Variants in KRT20 observed in about 807,000 individuals in gnomAD.
KRT20 encodes keratin 20.
Under a neutral mutation model 43.0 loss-of-function variants are expected in KRT20, and 41 were observed. That is an observed-to-expected ratio of 0.95 (90% CI 0.74 to 1.24). KRT20 has a LOEUF of 1.24. KRT20 is among the 50% of genes most tolerant of loss of function. The pLI, the probability that KRT20 is intolerant of heterozygous loss-of-function variation, is 0.00. For missense variants in KRT20, 533 were observed against 521.2 expected (o/e 1.02, Z -0.22); for synonymous variants, 207 against 200.6 (o/e 1.03, Z -0.27).
In KRT20 at chr17:40,878,351, C is replaced by A. The variant is rs1363742929; in HGVS notation, c.933G>T (p.Glu311Asp). The A allele has an allele frequency of 6.2e-7, 1 of 1,613,618 alleles. No homozygotes were observed. Among genetic ancestry groups the A allele is most frequent in the Admixed American group, 1.7e-5 (1 of 59,994 alleles). ...GGGCCTTGGTCTCCTCTAGAGTGTG[C>A]TCCAAAGACTCTTTCTATGAGCACA... ...QSHLSMKESLEHTLEETKARY... is the reference protein window; with the variant it reads ...QSHLSMKESLDHTLEETKARY... The change falls in exon 6 of 8, where the codon GAG (glutamate) becomes GAT (aspartate). Residue 311 changes from glutamate (E) to aspartate (D), a missense_variant. By Grantham distance (45) the Glu-to-Asp change is conservative. Coordinates refer to ENST00000167588, the MANE Select transcript of KRT20 (RefSeq NM_019010.3).
Position 40,882,615 on chromosome 17 carries a change from G to T in KRT20, c.430C>A (p.Gln144Lys), listed in dbSNP as rs1357059482. The T allele has an allele frequency of 1.0e-5, 16 of 1,566,170 alleles. No individual in the cohort carries two copies. Among genetic ancestry groups the T allele is most frequent in the Non-Finnish European group, 1.4e-5 (16 of 1,153,936 alleles). Reference sequence around the variant, plus strand: ...GCAGCCAGTTTAGCATTATCAATTTGCAGGACACACCGAGCATTTTGCAGT... The same window carrying T: ...GCAGCCAGTTTAGCATTATCAATTTTCAGGACACACCGAGCATTTTGCAGT... ...AQLQNARCVL[Q>K]IDNAKLAAED... The change falls in exon 2 of 8, where the codon CAA (glutamine) becomes AAA (lysine). Residue 144 changes from glutamine (Q) to lysine (K), a missense_variant. Transcript: ENST00000167588.
intron 7 of KRT20, among the ~76,000 whole-genome samples, chr17:40,876,953 C>G (rs1262841325): frequency 6.6e-6 from 1 of 152,108 alleles, no homozygotes; most frequent in African/African-American, 2.4e-5. Context: ...CCCAATGTAA[C>G]AGTGTTGGGA....
At chr17:40,876,951 A>C (rs532377598) in intron 7 of KRT20, among the ~76,000 whole-genome samples, 2 of 152,284 alleles carry the variant, frequency 1.3e-5, no homozygotes, top group African/African-American at 4.8e-5. Flanking sequence ...TCCCCAATGT[A>C]ACAGTGTTGG....
In KRT20 at chr17:40,879,954, T is replaced by G; in HGVS notation, c.793-16A>C. On this transcript the variant is annotated splice_polypyrimidine_tract_variant and intron_variant, in intron 4 of 7. Coordinates refer to ENST00000167588, the MANE Select transcript of KRT20 (RefSeq NM_019010.3). ...GAACTGCAGTCTACAGTGCCAAGAG[T>G]GAAAAAAAAATAGTTGAGGGGTGGA... is the stretch of plus-strand genomic sequence containing the variant. The G allele has an allele frequency of 6.3e-7, 1 of 1,591,654 alleles. No individual in the cohort carries two copies. The highest frequency in any genetic ancestry group is 8.5e-7 in the Non-Finnish European group (1 of 1,171,524).
intron 7 of KRT20, 77 bp from the exon 8 acceptor site, chr17:40,876,535 T>G: frequency 3.6e-6 from 3 of 835,120 alleles, no homozygotes; most frequent in Non-Finnish European, 3.8e-6. Context: ...TTTAAATTAT[T>G]ATTCTTTTTA....
rs771372665 is a variant in KRT20 at position 40,880,595 on chromosome 17, C to G, written c.630+19G>C. 3.1e-6 allele frequency: 5 copies of G among 1,607,238 alleles called. No individual in the cohort carries two copies. Among genetic ancestry groups the G allele is most frequent in the Non-Finnish European group, 4.3e-6 (5 of 1,175,636 alleles). On this transcript the variant is annotated intron_variant, in intron 3 of 7. Transcript: ENST00000167588. The stretch of plus-strand genomic sequence containing the variant: ...AACCATTCCATTGTTTCCAATACCA[C>G]TTCTGAATATTTTCTCACCTCCTGA...
chr17:40,879,869 C>A lies in KRT20; in HGVS notation c.862G>T (p.Glu288Ter), dbSNP rs768487533. ...AGGCTCTGGGAGGTGCGTCTCAGCTCCGTTAGTTGAACCTCAGTTCCTTTT... is the reference window on the plus strand; with the variant it reads ...AGGCTCTGGGAGGTGCGTCTCAGCTACGTTAGTTGAACCTCAGTTCCTTTT... ...ELKGTEVQLT[E>*]LRRTSQSLEI... Residue 288 changes from glutamate to a stop codon, truncating the protein, a stop_gained, in exon 5 of 8, where the codon GAG becomes TAG. Transcript: ENST00000167588. LOFTEE classifies it high-confidence loss of function. 1 of 1,613,354 alleles carries A rather than the reference C, an allele frequency of 6.2e-7. No homozygotes were observed. Among genetic ancestry groups the A allele is most frequent in the Non-Finnish European group, 8.5e-7 (1 of 1,179,922 alleles).
In KRT20 at chr17:40,876,381, C is replaced by T. The variant is rs1437274580; in HGVS notation, c.1255G>A (p.Glu419Lys). The T allele has an allele frequency of 1.2e-6, 2 of 1,611,830 alleles. No individual in the cohort carries two copies. Among genetic ancestry groups the T allele is most frequent in the East Asian group, 4.5e-5 (2 of 44,864 alleles). ...GCTATTTAGATATTTTCTTCCACCT[C>T]TTTGACTTCAGATGACACGACCTTG... ...DGKVVSSEVKEVEENI is the reference protein window; with the variant it reads ...DGKVVSSEVKKVEENI The change falls in exon 8 of 8, where the codon GAG becomes AAG. Residue 419 changes from glutamate (E) to lysine (K), a missense_variant. Glu to Lys is a moderately conservative substitution (Grantham distance 56). Transcript: ENST00000167588.
chr17:40,883,042 CA>C (rs1327851146), intron 1 of KRT20, among the ~76,000 whole-genome samples: 2 of 152,052 alleles, frequency 1.3e-5, no homozygotes, highest in Admixed American at 6.6e-5. Flanking sequence ...TAGGAGTTTA[CA>C]AGGATTTAGT....
At position 40,878,282 on chromosome 17, in the gene KRT20, A is replaced by G. The variant is rs147533577; in HGVS notation, c.1002T>C (p.Ser334=). The G allele has an allele frequency of 1.7e-5, 28 of 1,614,000 alleles. No individual in the cohort carries two copies. Among genetic ancestry groups the G allele is most frequent in the Admixed American group, 6.7e-5 (4 of 59,996 alleles). ...GAATCTGCATCAGTTGGGCCTCCAG[A>G]GAGCTCAACAGCGACTGGAGGTTGG... ...QLANLQSLLS[S]LEAQLMQIRS... Residue 334 remains serine, a synonymous_variant, in exon 6 of 8, where the codon TCT becomes TCC. Transcript: ENST00000167588.
chr17:40,880,382 A>C, intron 3 of KRT20, 121 bp from the exon 4 acceptor site: 1 of 998,954 alleles, frequency 1.0e-6, no homozygotes, highest in Non-Finnish European at 1.4e-6. Context: ...AAAGATATAA[A>C]ATAATAACTT....
chr17:40,880,822 A>G lies in KRT20; in HGVS notation c.474-52T>C. On this transcript the variant is annotated intron_variant, in intron 2 of 7. Coordinates refer to ENST00000167588, the MANE Select transcript of KRT20 (RefSeq NM_019010.3). ...AACTGGTCCTTCTGAAGCCATTATA[A>G]GGAGAGAATCTAATATAATGGGATA... 4 of 1,374,846 alleles carry G rather than the reference A, an allele frequency of 2.9e-6. No individual in the cohort carries two copies. The South Asian group carries it at 6.8e-5, about 23-fold the overall frequency. The allele number at this position is 1,374,846 out of a possible 1,614,324, so 85.2% of individuals were successfully genotyped here.
Position 40,885,005 on chromosome 17 carries a change from C to CT in KRT20, c.180dup (p.Gly61ArgfsTer10), listed in dbSNP as rs1907746574. The CT allele has an allele frequency of 1.9e-6, 3 of 1,614,216 alleles. No individual in the cohort carries two copies. Among genetic ancestry groups the CT allele is most frequent in the African/African-American group, 2.7e-5 (2 of 75,034 alleles). ...TTGCCAACAAACAGGTCCCCGCCGC[C>CT]TGTGAGATCGCTCCCATAGTTCACC... On this transcript the variant is annotated frameshift_variant, in exon 1 of 8. Coordinates refer to ENST00000167588, the MANE Select transcript of KRT20 (RefSeq NM_019010.3).
rs1051 is a variant in KRT20 at position 40,876,228 on chromosome 17, G to A, written c.*133C>T. ...ACAGAGTCTGATAAATAGGATTCCC[G>A]CCACCCCACCCCTTCTAATCACTGC... On this transcript the variant is annotated 3_prime_UTR_variant, in exon 8 of 8. Transcript: ENST00000167588. 3 of 507,728 alleles carry A rather than the reference G, an allele frequency of 5.9e-6. No individual in the cohort carries two copies. The highest frequency in any genetic ancestry group is 5.9e-5 in the East Asian group (2 of 33,684). The allele number at this position is 507,728 out of a possible 1,614,324, so 31.5% of individuals were successfully genotyped here. A position where few individuals can be genotyped will look rare whatever the true frequency, so the allele number is the denominator to read the frequency against.
At position 40,876,283 on chromosome 17, in the gene KRT20, A is replaced by G; in HGVS notation, c.*78T>C. 1.1e-6 allele frequency: 1 copy of G among 929,614 alleles called. No homozygotes were observed. The allele number at this position is 929,614 out of a possible 1,614,324, so 57.6% of individuals were successfully genotyped here. ...TATTAATAGTGCTTTCTTATGGCTG[A>G]TTTCTTGCAGGGAGCAAAGATAAGA... On this transcript the variant is annotated 3_prime_UTR_variant, in exon 8 of 8. Coordinates refer to ENST00000167588, the MANE Select transcript of KRT20 (RefSeq NM_019010.3).
intron 7 of KRT20, among the ~76,000 whole-genome samples, chr17:40,877,090 C>T (rs1203351887): frequency 6.6e-6 from 1 of 152,162 alleles, no homozygotes; most frequent in Non-Finnish European, 1.5e-5. Context: ...GATTAGCCTC[C>T]TCTTGCTCTC....
chr17:40,881,227 CTGTGTGTGTGTGTGTG>C (rs34632722), intron 2 of KRT20, among the ~76,000 whole-genome samples: 5 of 145,648 alleles, frequency 3.4e-5, no homozygotes, highest in East Asian at 4.0e-4. Context: ...TACATACACA[CTGTGTGTGTGTGTGTG>C]TGTGTGTGTG....
chr17:40,882,229 T>G (rs1907630358), intron 2 of KRT20, among the ~76,000 whole-genome samples: 1 of 152,098 alleles, frequency 6.6e-6, no homozygotes, highest in Non-Finnish European at 1.5e-5. Flanking sequence ...AGAAAGGCAC[T>G]TAGGGAGAAG....
At chr17:40,882,536 T>C in intron 2 of KRT20, 36 bp downstream of exon 2, 1 of 1,226,846 alleles carries the variant, frequency 8.2e-7, no homozygotes, top group Non-Finnish European at 1.2e-6. Context: ...AAGGAATTCT[T>C]TTTCAGAAAC....
Sources: gnomAD v4.1 joint callset for allele counts (sites outside exome capture counted in the v4.1 genomes callset) on GRCh38, gnomAD v4.1.1 for gene constraint, MANE v1.5 for transcripts, NCBI Gene and HGNC (gene_info 2026-07-23, HGNC 2026-07-21) for gene names.